GLCE: variants seen among roughly 807,000 people sequenced by gnomAD.
GLCE encodes the protein D-glucuronyl C5-epimerase.
In GLCE, 19 loss-of-function variants were observed where a neutral mutation model predicts 47.9. That is an observed-to-expected ratio of 0.40 (90% CI 0.28 to 0.58). The LOEUF is 0.58. Ranked by LOEUF, GLCE falls within the 20% of genes least tolerant of loss-of-function variation. GLCE has a pLI of 0.48. For missense variants in GLCE, 556 were observed against 743.3 expected (o/e 0.75, Z 2.93); for synonymous variants, 245 against 263.4 (o/e 0.93, Z 0.68).
Position 69,269,046 on chromosome 15 carries a change from T to C in GLCE, c.1656T>C (p.Tyr552=). The C allele has an allele frequency of 1.2e-6, 2 of 1,614,250 alleles. No individual in the cohort carries two copies. The change falls in exon 5 of 5, where the codon TAT becomes TAC. Residue 552 remains tyrosine, a synonymous_variant. Coordinates refer to ENST00000261858, the MANE Select transcript of GLCE (RefSeq NM_015554.3). ...MESLKAMLPL[Y]DTGSGTIYDL... is the part of the protein sequence containing the mutation. Reference sequence around the variant, plus strand: ...CTCTTAAAGCCATGCTGCCCTTGTATGACACTGGCTCAGGAACCATCTATG... The same window carrying C: ...CTCTTAAAGCCATGCTGCCCTTGTACGACACTGGCTCAGGAACCATCTATG...
chr15:69,190,568 A>AT (rs2051898338), intron 1 of GLCE, among the ~76,000 whole-genome samples: 1 of 152,088 alleles, frequency 6.6e-6, no homozygotes, highest in East Asian at 1.9e-4. Context: ...TGTAAAATAT[A>AT]CTTTATCTGT....
intron 1 of GLCE, among the ~76,000 whole-genome samples, chr15:69,209,504 G>T (rs1316187591): frequency 6.6e-6 from 1 of 152,000 alleles, no homozygotes; most frequent in Non-Finnish European, 1.5e-5. Flanking sequence ...CATATTACTT[G>T]GTTCTGTCCC....
At chr15:69,184,334 A>C (rs2051792582) in intron 1 of GLCE, among the ~76,000 whole-genome samples, 1 of 152,190 alleles carries the variant, frequency 6.6e-6, no homozygotes, top group African/African-American at 2.4e-5. Flanking sequence ...ACCTCCCACC[A>C]AGTCTCTCAG....
At chr15:69,185,247 G>A (rs1269598383) in intron 1 of GLCE, among the ~76,000 whole-genome samples, 1 of 152,072 alleles carries the variant, frequency 6.6e-6, no homozygotes, top group Non-Finnish European at 1.5e-5. Flanking sequence ...ATTCCTTTCT[G>A]CAAAAAGGGA....
intron 2 of GLCE, among the ~76,000 whole-genome samples, chr15:69,210,936 C>A (rs1266249036): frequency 3.3e-5 from 5 of 152,064 alleles, no homozygotes; most frequent in African/African-American, 9.7e-5. Context: ...AGTTTGCTGA[C>A]CCTTGGCCTA....
At chr15:69,241,116 A>G (rs1489666319) in intron 2 of GLCE, among the ~76,000 whole-genome samples, 1 of 152,190 alleles carries the variant, frequency 6.6e-6, no homozygotes, top group Non-Finnish European at 1.5e-5. Flanking sequence ...GAAGGGAGAA[A>G]AACAAGAAAA....
At chr15:69,235,093 C>A (rs1486460986) in intron 2 of GLCE, among the ~76,000 whole-genome samples, 2 of 62,882 alleles carry the variant, frequency 3.2e-5, no homozygotes, top group Non-Finnish European at 5.2e-5. Context: ...GAAGATTATT[C>A]TTTTTTTTTT....
chr15:69,166,548 G>A (rs1033632173), intron 1 of GLCE, among the ~76,000 whole-genome samples: 4 of 152,192 alleles, frequency 2.6e-5, no homozygotes, highest in African/African-American at 9.7e-5. Context: ...GTGGTGGAAT[G>A]GGGTGCTGAA....
Position 69,271,956 on chromosome 15 carries a change from T to G in GLCE, c.*2712T>G, listed in dbSNP as rs904135648. On this transcript the variant is annotated 3_prime_UTR_variant, in exon 5 of 5. Transcript: ENST00000261858. ...TCTTGTTTCTCTTCCATTGTACATG[T>G]GGGTTATATACCATATGTTAAATAT... 2.0e-5 allele frequency: 3 copies of G among 152,650 alleles called. No homozygotes were observed. The highest frequency in any genetic ancestry group is 7.2e-5 in the African/African-American group (3 of 41,454). The allele number at this position is 152,650 out of a possible 1,614,324, so 9.5% of individuals were successfully genotyped here.
intron 1 of GLCE, among the ~76,000 whole-genome samples, chr15:69,208,297 G>C (rs1396299104): frequency 6.6e-6 from 1 of 151,962 alleles, no homozygotes; most frequent in Admixed American, 6.6e-5. Flanking sequence ...ATTTAAGTTT[G>C]AGTGAATTTT....
At chr15:69,191,285 C>A (rs1469328325) in intron 1 of GLCE, among the ~76,000 whole-genome samples, 1 of 152,054 alleles carries the variant, frequency 6.6e-6, no homozygotes, top group African/African-American at 2.4e-5. Flanking sequence ...AAAATTACAT[C>A]AACATTTCAG....
intron 2 of GLCE, among the ~76,000 whole-genome samples, chr15:69,254,453 A>G (rs2052892942): frequency 6.6e-6 from 1 of 152,166 alleles, no homozygotes; most frequent in Non-Finnish European, 1.5e-5. Context: ...TTAAGAATAG[A>G]CTTGAGGGTG....
intron 2 of GLCE, among the ~76,000 whole-genome samples, chr15:69,245,158 C>T (rs1191826219): frequency 6.6e-6 from 1 of 151,848 alleles, no homozygotes; most frequent in Non-Finnish European, 1.5e-5. Flanking sequence ...CGTGGTGAAA[C>T]CCTTTCTCTA....
At chr15:69,250,893 T>G (rs2052834809) in intron 2 of GLCE, among the ~76,000 whole-genome samples, 1 of 152,064 alleles carries the variant, frequency 6.6e-6, no homozygotes, top group Non-Finnish European at 1.5e-5. Context: ...AAGATAATAC[T>G]AAATGTGCTG....
chr15:69,265,293 G>A (rs943773524), intron 4 of GLCE, among the ~76,000 whole-genome samples: 1 of 152,090 alleles, frequency 6.6e-6, no homozygotes. Context: ...TTTGAAGGAG[G>A]AATCTTCAGA....
intron 1 of GLCE, among the ~76,000 whole-genome samples, chr15:69,177,049 T>A (rs2051678091): frequency 6.6e-6 from 1 of 150,934 alleles, no homozygotes; most frequent in Non-Finnish European, 1.5e-5. Flanking sequence ...TTTGAGACAG[T>A]CTCTTTGTCA....
At chr15:69,170,013 A>G (rs1000246284) in intron 1 of GLCE, among the ~76,000 whole-genome samples, 12 of 152,194 alleles carry the variant, frequency 7.9e-5, no homozygotes, top group Non-Finnish European at 1.5e-4. Context: ...AAATCTTAGT[A>G]CATAATCTTT....
intron 2 of GLCE, among the ~76,000 whole-genome samples, chr15:69,233,984 T>G (rs939940038): frequency 1.3e-5 from 2 of 149,876 alleles, no homozygotes; most frequent in African/African-American, 4.9e-5. Flanking sequence ...ATTTTTTTGT[T>G]TTTTTTTTTT....
At chr15:69,228,301 A>G (rs2052476548) in intron 2 of GLCE, among the ~76,000 whole-genome samples, 1 of 152,198 alleles carries the variant, frequency 6.6e-6, no homozygotes, top group Admixed American at 6.5e-5. Flanking sequence ...GAGCTCTAAA[A>G]TGTATGTGGA....
Sources: allele counts gnomAD v4.1 joint callset (sites outside exome capture counted in the v4.1 genomes callset), GRCh38; gene constraint gnomAD v4.1.1; transcripts MANE v1.5; gene names NCBI Gene and HGNC (gene_info 2026-07-23, HGNC 2026-07-21).